CABIN1: variants seen among roughly 807,000 people sequenced by gnomAD.
The protein encoded by CABIN1 is calcineurin-binding protein cabin-1.
A neutral mutation model predicts 227.7 loss-of-function variants in CABIN1; 133 were observed. The ratio of observed to expected loss-of-function variants is 0.58; its 90% CI spans 0.51 to 0.67. The LOEUF is 0.67. Among genes scored for constraint, CABIN1 ranks in the 30% least tolerant of loss-of-function variants. CABIN1 has a pLI of 0.00. For synonymous variants in CABIN1, 1,086 were observed against 1,155.1 expected (o/e 0.94, Z 1.21); for missense variants, 2,408 against 2,852.5 (o/e 0.84, Z 3.55).
chr22:24,013,094 A>T (rs190683446), intron 1 of CABIN1, among the ~76,000 whole-genome samples: 1 of 150,170 alleles, frequency 6.7e-6, no homozygotes, highest in Admixed American at 6.7e-5. Context: ...AGCTCCTTTT[A>T]GTGAGTTTCT....
intron 3 of CABIN1, 115 bp from the exon 4 acceptor site, chr22:24,038,233 G>A: frequency 1.3e-6 from 1 of 785,748 alleles, no homozygotes; most frequent in Non-Finnish European, 2.2e-6. Flanking sequence ...GAAAGTTCCA[G>A]CTATCTAATC....
At chr22:24,167,794 A>G (rs1187780165) in intron 32 of CABIN1, among the ~76,000 whole-genome samples, 1 of 152,202 alleles carries the variant, frequency 6.6e-6, no homozygotes, top group Non-Finnish European at 1.5e-5. Flanking sequence ...CATCCCTGAC[A>G]TACAGTATTC....
At position 24,056,447 on chromosome 22, in the gene CABIN1, C is replaced by T. The variant is rs113680303; in HGVS notation, c.1262+87C>T. On this transcript the variant is annotated intron_variant, in intron 10 of 36. Coordinates refer to ENST00000263119, the MANE Select transcript of CABIN1 (RefSeq NM_012295.4). ...GTAACATTTCTCATTCCATTGCCAC[C>T]CTCTTCTCTGGTCTCCTCCTCTGTG... 3,655 of 1,320,628 alleles carry T rather than the reference C, an allele frequency of 2.8e-3. 70 individuals are homozygous for T. The South Asian group carries it at 0.031, about 11-fold the overall frequency. The allele number at this position is 1,320,628 out of a possible 1,614,324, so 81.8% of individuals were successfully genotyped here. A position where few individuals can be genotyped will look rare whatever the true frequency, so the allele number is the denominator to read the frequency against.
At position 24,072,369 on chromosome 22, in the gene CABIN1, A is replaced by G. The variant is rs746011731; in HGVS notation, c.2491A>G (p.Met831Val). The G allele has an allele frequency of 6.2e-7, 1 of 1,614,164 alleles. No individual in the cohort carries two copies. Among genetic ancestry groups the G allele is most frequent in the Non-Finnish European group, 8.5e-7 (1 of 1,180,014 alleles). Residue 831 changes from methionine (M) to valine (V), a missense_variant, in exon 18 of 37, where the codon ATG (methionine) becomes GTG (valine). This residue lies in a region of CABIN1 where 1,045 missense variants were observed against 1,168.4 expected (regional missense o/e 0.89). Transcript: ENST00000263119. ...NNLIQVIDCS[M>V]AVQEEAKEPH... is the part of the protein sequence containing the mutation. ...GCACTGTCAGGTCATTGACTGCAGC[A>G]TGGCTGTGCAGGAGGAGGCCAAGGA...
Position 24,064,195 on chromosome 22 carries a change from A to G in CABIN1, c.2037+8A>G. ...GTGGTTTCCCTGGAGGAGGTAAGTG[A>G]GAATTTTCGTTTGTTTGTTTGTTTC... On this transcript the variant is annotated splice_region_variant and intron_variant, in intron 15 of 36. Coordinates refer to ENST00000263119, the MANE Select transcript of CABIN1 (RefSeq NM_012295.4). 1 of 1,614,058 alleles carries G rather than the reference A, an allele frequency of 6.2e-7. No individual in the cohort carries two copies. Among genetic ancestry groups the G allele is most frequent in the Non-Finnish European group, 8.5e-7 (1 of 1,179,978 alleles).
intron 28 of CABIN1, among the ~76,000 whole-genome samples, 194 bp from the exon 29 acceptor site, chr22:24,134,108 C>T (rs2044241821): frequency 6.6e-6 from 1 of 152,184 alleles, no homozygotes; most frequent in African/African-American, 2.4e-5. Context: ...GAGATCAGTT[C>T]TGAAAATGCA....
At position 24,178,083 on chromosome 22, in the gene CABIN1, A is replaced by T; in HGVS notation, c.6550A>T (p.Asn2184Tyr). The T allele has an allele frequency of 6.2e-7, 1 of 1,613,770 alleles. No individual in the cohort carries two copies. The highest frequency in any genetic ancestry group is 1.3e-5 in the African/African-American group (1 of 75,016). The change falls in exon 37 of 37, where the codon AAC becomes TAC. Residue 2184 changes from asparagine (N) to tyrosine (Y), a missense_variant. Asn to Tyr is a moderately radical substitution (Grantham distance 143). Transcript: ENST00000263119. ...CATCCTTTCTGCCCAGTCTGCTGCC[A>T]ACGTGAGGAAGGAGAGCCTATGCCA... is the stretch of plus-strand genomic sequence containing the variant. Reference protein sequence around the residue: ...SAILSAQSAANVRKESLCQPA... With the variant: ...SAILSAQSAAYVRKESLCQPA...
intron 23 of CABIN1, 104 bp downstream of exon 23, chr22:24,087,817 C>A: frequency 7.0e-7 from 1 of 1,438,314 alleles, no homozygotes; most frequent in East Asian, 2.3e-5. Flanking sequence ...CTTGTCCACA[C>A]ATCCATGCTG....
At chr22:24,125,695 T>C (rs951387255) in intron 28 of CABIN1, among the ~76,000 whole-genome samples, 1 of 152,230 alleles carries the variant, frequency 6.6e-6, no homozygotes, top group Non-Finnish European at 1.5e-5. Flanking sequence ...GACATAAAAG[T>C]GGCCCCTTCC....
intron 28 of CABIN1, among the ~76,000 whole-genome samples, chr22:24,122,282 A>G (rs1426185573): frequency 6.6e-6 from 1 of 152,232 alleles, no homozygotes; most frequent in Non-Finnish European, 1.5e-5. Flanking sequence ...TGGGTCTAGT[A>G]CAGGTTGAAT....
At chr22:24,171,359 C>A (rs1212857595) in intron 33 of CABIN1, among the ~76,000 whole-genome samples, 1 of 152,222 alleles carries the variant, frequency 6.6e-6, no homozygotes, top group Non-Finnish European at 1.5e-5. Flanking sequence ...GGAGCTGCAC[C>A]CATGCCTAGG....
intron 6 of CABIN1, among the ~76,000 whole-genome samples, chr22:24,045,005 C>T (rs930956725): frequency 8.6e-5 from 13 of 151,558 alleles, no homozygotes; most frequent in Non-Finnish European, 1.0e-4. Context: ...TCGCAAGGTC[C>T]ACCTCCCAGG....
In CABIN1 at chr22:24,156,877, C is replaced by T. The variant is rs578258100; in HGVS notation, c.4747-7523C>T. On this transcript the variant is annotated intron_variant, in intron 29 of 36. Coordinates refer to ENST00000263119, the MANE Select transcript of CABIN1 (RefSeq NM_012295.4). Reference sequence around the variant, plus strand: ...CCGGGAGGGGGAAGGGAGGAACAGCCCGGCAGTTCTGGGGACCTTAGCGCT... The same window carrying T: ...CCGGGAGGGGGAAGGGAGGAACAGCTCGGCAGTTCTGGGGACCTTAGCGCT... Among the ~76,000 whole-genome samples the T allele has an allele frequency of 9.2e-5, 14 of 152,232 alleles. No individual in the cohort carries two copies. The South Asian group carries it at 2.3e-3, about 25-fold the overall frequency.
Position 24,072,397 on chromosome 22 carries a change from C to T in CABIN1, c.2519C>T (p.Pro840Leu), listed in dbSNP as rs565347265. ...GCTGTGCAGGAGGAGGCCAAGGAGC[C>T]CCACGTCTCTTCAGTGCTACCCTGG... Reference protein sequence around the residue: ...SMAVQEEAKEPHVSSVLPWII... With the variant: ...SMAVQEEAKELHVSSVLPWII... The change falls in exon 18 of 37, where the codon CCC becomes CTC. Residue 840 changes from proline (P) to leucine (L), a missense_variant. Physicochemically the swap from Pro to Leu is moderately conservative, Grantham distance 98. Coordinates refer to ENST00000263119, the MANE Select transcript of CABIN1 (RefSeq NM_012295.4). 124 of 1,614,174 alleles carry T rather than the reference C, an allele frequency of 7.7e-5. 1 individual carries two copies. The highest frequency in any genetic ancestry group is 7.6e-4 in the South Asian group (69 of 91,092).
At chr22:24,131,513 C>G (rs560906470) in intron 28 of CABIN1, among the ~76,000 whole-genome samples, 17 of 152,314 alleles carry the variant, frequency 1.1e-4, no homozygotes, top group Non-Finnish European at 2.1e-4. Flanking sequence ...TACTCCCTGC[C>G]TCATAGCACC....
At chr22:24,122,499 G>A (rs1386105911) in intron 28 of CABIN1, among the ~76,000 whole-genome samples, 1 of 152,090 alleles carries the variant, frequency 6.6e-6, no homozygotes, top group Non-Finnish European at 1.5e-5. Flanking sequence ...CCTGAGGTCA[G>A]GAGTTCAAGA....
At chr22:24,117,732 T>G (rs559024333) in intron 27 of CABIN1, among the ~76,000 whole-genome samples, 1 of 152,338 alleles carries the variant, frequency 6.6e-6, no homozygotes, top group African/African-American at 2.4e-5. Flanking sequence ...CTGCTTTCCA[T>G]AAAAATTGTG....
rs552590286 is a variant in CABIN1 at position 24,166,766 on chromosome 22, C to T, written c.5135C>T (p.Ala1712Val). Residue 1712 changes from alanine (A) to valine (V), a missense_variant, in exon 32 of 37, where the codon GCT (alanine) becomes GTT (valine). By Grantham distance (64) the Ala-to-Val change is moderately conservative. This residue lies in a region of CABIN1 where 714 missense variants were observed against 773.8 expected (regional missense o/e 0.92). Transcript: ENST00000263119. ...CCCCAGCCGAAGAAGCCCCCTCTGG[C>T]TGATGGCTCAGGGCCAGGGCCCGAG... The part of the protein sequence containing the change: ...GLPQPKKPPL[A>V]DGSGPGPEPG... The T allele has an allele frequency of 1.2e-6, 2 of 1,612,960 alleles. No homozygotes were observed. Among genetic ancestry groups the T allele is most frequent in the African/African-American group, 2.7e-5 (2 of 75,060 alleles).
chr22:24,078,818 C>T (rs2040610217), intron 19 of CABIN1, among the ~76,000 whole-genome samples: 2 of 151,950 alleles, frequency 1.3e-5, no homozygotes. Context: ...AAAGCATGCT[C>T]TTCACTACCC....
Sources: allele counts gnomAD v4.1 joint callset (sites outside exome capture counted in the v4.1 genomes callset), GRCh38; gene constraint gnomAD v4.1.1; regional missense constraint gnomAD v4.1.1; transcripts MANE v1.5; gene names NCBI Gene and HGNC (gene_info 2026-07-23, HGNC 2026-07-21).